JAK1: variants seen among roughly 807,000 people sequenced by gnomAD.
JAK1 encodes the protein tyrosine-protein kinase JAK1.
In JAK1, 16 loss-of-function variants were observed where a neutral mutation model predicts 136.6. The observed-to-expected ratio is 0.12, with a 90% CI of 0.08 to 0.18. The LOEUF is 0.18. Among genes scored for constraint, JAK1 ranks in the 10% least tolerant of loss-of-function variants. The pLI is 1.00. For synonymous variants in JAK1, 492 were observed against 519.5 expected, an observed-to-expected ratio of 0.95 and a Z score of 0.72; for missense variants, 859 against 1,450.1, an observed-to-expected ratio of 0.59 and a Z score of 6.62.
At chr1:65,013,128 G>T (rs1335603062) in intron 2 of JAK1, among the ~76,000 whole-genome samples, 2 of 145,776 alleles carry the variant, frequency 1.4e-5, no homozygotes, top group Non-Finnish European at 3.0e-5. Context: ...CGGTGCAGTG[G>T]CTCACACCTG....
intron 1 of JAK1, among the ~76,000 whole-genome samples, chr1:64,923,806 A>C (rs1210470913): frequency 1.3e-5 from 2 of 152,202 alleles, no homozygotes; most frequent in African/African-American, 4.8e-5. Context: ...CCAGTGCATC[A>C]GACCAACGGT....
chr1:64,965,691 T>A (rs1315195824), intron 1 of JAK1, among the ~76,000 whole-genome samples: 1 of 152,102 alleles, frequency 6.6e-6, no homozygotes, highest in Non-Finnish European at 1.5e-5. Context: ...CCTTCCCTGG[T>A]CCTCTCGCCC....
At chr1:64,958,800 T>C (rs1569737001) in intron 1 of JAK1, among the ~76,000 whole-genome samples, 2 of 152,328 alleles carry the variant, frequency 1.3e-5, no homozygotes, top group South Asian at 2.1e-4. Flanking sequence ...CCAGATAAAA[T>C]TGTGCTTAAC....
At chr1:64,896,615 C>T (rs900040735) in intron 1 of JAK1, among the ~76,000 whole-genome samples, 1 of 152,154 alleles carries the variant, frequency 6.6e-6, no homozygotes, top group Non-Finnish European at 1.5e-5. Context: ...GTAAAGCCTG[C>T]GATGCACAGC....
In JAK1 at chr1:64,864,862, A is replaced by G; in HGVS notation, c.1101T>C (p.Ser367=). 6.2e-7 allele frequency: 1 copy of G among 1,613,894 alleles called. No individual in the cohort carries two copies. Among genetic ancestry groups the G allele is most frequent in the Non-Finnish European group, 8.5e-7 (1 of 1,179,798 alleles). Residue 367 remains serine (S), a synonymous_variant, in exon 8 of 25, where the codon TCT becomes TCC. Coordinates refer to ENST00000342505, the MANE Select transcript of JAK1 (RefSeq NM_002227.4). ...CAATGTGAGTGATTTCAGGGAAGTA[A>G]GAAAAATTGTTCCACTCTTCCCGGA... ...NKIREEWNNF[S]YFPEITHIVI...
chr1:64,862,717 T>C (rs1422478610), intron 8 of JAK1, among the ~76,000 whole-genome samples: 5 of 152,212 alleles, frequency 3.3e-5, no homozygotes, highest in South Asian at 4.1e-4. Context: ...AGCCAGATCA[T>C]GGACATGTCA....
At chr1:64,928,777 G>GCAAAAAA (rs1433850173) in intron 1 of JAK1, among the ~76,000 whole-genome samples, 3 of 778 alleles carry the variant, frequency 3.9e-3, no homozygotes, top group Non-Finnish European at 4.7e-3. Context: ...ATAAAACTCT[G>GCAAAAAA]CAAAAAAAAA....
At chr1:64,902,261 C>T (rs1645117755) in intron 1 of JAK1, among the ~76,000 whole-genome samples, 1 of 152,108 alleles carries the variant, frequency 6.6e-6, no homozygotes, top group Admixed American at 6.5e-5. Context: ...TAGTGCTCTT[C>T]TCAGCACGAT....
chr1:65,023,268 A>T (rs1234583093), intron 2 of JAK1, among the ~76,000 whole-genome samples: 1 of 151,846 alleles, frequency 6.6e-6, no homozygotes, highest in Non-Finnish European at 1.5e-5. Flanking sequence ...ATACTGGGCT[A>T]ATTTTTATTT....
chr1:64,851,863 T>C (rs986319160), intron 11 of JAK1, among the ~76,000 whole-genome samples: 2 of 152,224 alleles, frequency 1.3e-5, no homozygotes, highest in African/African-American at 4.8e-5. Flanking sequence ...TCACTTCCTC[T>C]TTCCTGCACT....
At chr1:64,868,880 C>T (rs1317394200) in intron 6 of JAK1, among the ~76,000 whole-genome samples, 1 of 152,190 alleles carries the variant, frequency 6.6e-6, no homozygotes, top group Non-Finnish European at 1.5e-5. Flanking sequence ...TTAGAATTAA[C>T]AGCTCTGTAG....
chr1:64,926,910 T>C (rs1351376110), intron 1 of JAK1, among the ~76,000 whole-genome samples: 2 of 152,202 alleles, frequency 1.3e-5, no homozygotes, highest in Non-Finnish European at 2.9e-5. Flanking sequence ...GAAGAGTTAA[T>C]GTATGTGAAG....
chr1:65,016,653 C>G (rs1049490914), intron 2 of JAK1, among the ~76,000 whole-genome samples: 1 of 151,994 alleles, frequency 6.6e-6, no homozygotes, highest in Admixed American at 6.6e-5. Context: ...AATCCCAACA[C>G]TTTGGGAGGC....
intron 17 of JAK1, among the ~76,000 whole-genome samples, chr1:64,843,190 T>C (rs2780819): frequency 0.36 from 54,334 of 151,828 alleles, 11,736 homozygotes; most frequent in African/African-American, 0.61. Context: ...CTGTTATTCC[T>C]TTCCCCACTC....
intron 1 of JAK1, among the ~76,000 whole-genome samples, chr1:64,909,195 T>A (rs1570751582): frequency 6.6e-6 from 1 of 152,222 alleles, no homozygotes; most frequent in East Asian, 1.9e-4. Context: ...TATTTAATGG[T>A]GTATCTCTTT....
chr1:64,895,019 C>G (rs541236315), intron 1 of JAK1, among the ~76,000 whole-genome samples: 1 of 152,150 alleles, frequency 6.6e-6, no homozygotes, highest in Non-Finnish European at 1.5e-5. Context: ...AGAGCAGGAT[C>G]GGCAGGTCAC....
rs1172398716 is a variant in JAK1, at chr1:64,841,569, T to C, written c.2436A>G (p.Pro812=). Residue 812 remains proline, a synonymous_variant, in exon 18 of 25, where the codon CCA becomes CCG. Coordinates refer to ENST00000342505, the MANE Select transcript of JAK1 (RefSeq NM_002227.4). The stretch of plus-strand genomic sequence containing the variant: ...CCAGCTCCTTACATGATGGTGTCAC[T>C]GGCCTGCACCGGCTTTCATAGAATC... The part of the protein sequence containing the change: ...KERFYESRCR[P]VTPSCKELAD... The C allele has an allele frequency of 1.7e-5, 28 of 1,614,162 alleles. No individual in the cohort carries two copies. The highest frequency in any genetic ancestry group is 2.4e-5 in the Non-Finnish European group (28 of 1,180,042).
chr1:65,050,918 G>C (rs1258197357), intron 1 of JAK1, among the ~76,000 whole-genome samples: 1 of 152,168 alleles, frequency 6.6e-6, no homozygotes, highest in Non-Finnish European at 1.5e-5. Flanking sequence ...AGGAAACATG[G>C]AGAACTCTTC....
intron 1 of JAK1, among the ~76,000 whole-genome samples, chr1:64,904,313 T>G (rs1286007889): frequency 6.6e-6 from 1 of 152,192 alleles, no homozygotes; most frequent in Non-Finnish European, 1.5e-5. Flanking sequence ...AAATTAGCAT[T>G]CCCAAATTAT....
Sources: allele counts gnomAD v4.1 joint callset (sites outside exome capture counted in the v4.1 genomes callset), GRCh38; gene constraint gnomAD v4.1.1; transcripts MANE v1.5; gene names NCBI Gene and HGNC (gene_info 2026-07-23, HGNC 2026-07-21).